CAPN14: variants seen among roughly 807,000 people sequenced by gnomAD.
CAPN14 encodes the protein calpain-14.
CAPN14 carries 94 observed loss-of-function variants against 101.3 expected under a neutral mutation model. The observed-to-expected ratio is 0.93, with a 90% CI of 0.79 to 1.10. CAPN14 has a LOEUF of 1.10. Among genes scored for constraint, CAPN14 ranks in the 50% least tolerant of loss-of-function variants. CAPN14 has a pLI of 0.00. For synonymous variants in CAPN14, 338 were observed against 317.9 expected (o/e 1.06, Z -0.67); for missense variants, 837 against 828.4 (o/e 1.01, Z -0.13).
chr2:31,193,302 GAGA>G lies in CAPN14; in HGVS notation c.951-11_951-9del. 6.4e-7 allele frequency: 1 copy of G among 1,551,192 alleles called. No homozygotes were observed. Among genetic ancestry groups the G allele is most frequent in the Non-Finnish European group, 8.7e-7 (1 of 1,146,816 alleles). On this transcript the variant is annotated splice_polypyrimidine_tract_variant and intron_variant, in intron 9 of 21. Coordinates refer to ENST00000403897, the MANE Select transcript of CAPN14 (RefSeq NM_001145122.2). ...AAGTCCTGCAGCGTCATCCTGTGGA[GAGA>G]AGAAGGAAAAGCACAAAGAGATGGA...
intron 1 of CAPN14, among the ~76,000 whole-genome samples, chr2:31,212,813 C>T (rs964592984): frequency 2.0e-5 from 3 of 152,260 alleles, no homozygotes; most frequent in South Asian, 4.1e-4. Context: ...GTCTCTGGAA[C>T]GGAAGCAAAA....
At chr2:31,215,642 G>T (rs1382551075) in intron 1 of CAPN14, among the ~76,000 whole-genome samples, 1 of 151,902 alleles carries the variant, frequency 6.6e-6, no homozygotes, top group African/African-American at 2.4e-5. Context: ...TCCTTGTGGG[G>T]CTTTCCTGCC....
At chr2:31,215,822 A>G (rs1450308604) in intron 1 of CAPN14, among the ~76,000 whole-genome samples, 1 of 148,418 alleles carries the variant, frequency 6.7e-6, no homozygotes, top group Non-Finnish European at 1.5e-5. Flanking sequence ...TGGAAAAAGT[A>G]AGTCAATTAG....
rs372312550 is a variant in CAPN14, at chr2:31,200,498, C to T, written c.679G>A (p.Glu227Lys). The change falls in exon 6 of 22, where the codon GAA becomes AAA. Residue 227 changes from glutamate to lysine, a missense_variant. By Grantham distance (56) the Glu-to-Lys change is moderately conservative. Transcript: ENST00000403897. ...AHGNLWDILI[E>K]ATYNRTLIGC... is the part of the protein sequence containing the mutation. ...ATGAGGGTTCTGTTGTAGGTGGCTT[C>T]GATGAGGATGTCCCAGAGGTTGCCA... 8.9e-5 allele frequency: 138 copies of T among 1,551,178 alleles called. 1 individual carries two copies. The African/African-American group carries it at 1.7e-3, about 19-fold the overall frequency.
intron 17 of CAPN14, among the ~76,000 whole-genome samples, chr2:31,178,817 T>A (rs1680442329): frequency 1.3e-5 from 2 of 151,922 alleles, no homozygotes; most frequent in Non-Finnish European, 2.9e-5. Context: ...GAAGCGATGA[T>A]GATGGAGGTG....
At chr2:31,207,682 A>G (rs1009304670) in intron 1 of CAPN14, among the ~76,000 whole-genome samples, 2 of 152,178 alleles carry the variant, frequency 1.3e-5, no homozygotes, top group African/African-American at 2.4e-5. Flanking sequence ...CAGGAGGATC[A>G]CTTGAGCCGG....
intron 8 of CAPN14, among the ~76,000 whole-genome samples, chr2:31,195,625 C>T (rs2365211): frequency 0.2 from 30,252 of 152,014 alleles, 3,331 homozygotes; most frequent in East Asian, 0.37. Flanking sequence ...GTGTGAGTCA[C>T]TATGCCCAGC....
Position 31,174,644 on chromosome 2 carries a change from CAG to C in CAPN14, c.*35_*36del, listed in dbSNP as rs1213723870. 2.6e-6 allele frequency: 4 copies of C among 1,550,722 alleles called. No homozygotes were observed. Among genetic ancestry groups the C allele is most frequent in the Admixed American group, 3.9e-5 (2 of 51,002 alleles). ...CCAAAGGCTGCTCTTGGGCCACATG[CAG>C]AGTCTTCAGTGAGGGCAGGTGAGAC... On this transcript the variant is annotated 3_prime_UTR_variant, in exon 22 of 22. Coordinates refer to ENST00000403897, the MANE Select transcript of CAPN14 (RefSeq NM_001145122.2).
At chr2:31,194,906 G>A (rs72797144) in intron 8 of CAPN14, among the ~76,000 whole-genome samples, 4,000 of 152,248 alleles carry the variant, frequency 0.026, 52 homozygotes, top group South Asian at 0.043. Flanking sequence ...AATAAAAATG[G>A]GACAAAATAT....
Position 31,205,337 on chromosome 2 carries a change from G to A in CAPN14, c.111C>T (p.Cys37=). ...CTTCAAAGAGGCAGCCATTCCTCAG[G>A]CACTCTGCCAGCAGGGCCTCAAAGT... The part of the protein sequence containing the change: ...QQDFEALLAE[C]LRNGCLFEDT... Residue 37 remains cysteine, a synonymous_variant, in exon 2 of 22, where the codon TGC becomes TGT. Coordinates refer to ENST00000403897, the MANE Select transcript of CAPN14 (RefSeq NM_001145122.2). 1 of 1,551,258 alleles carries A rather than the reference G, an allele frequency of 6.4e-7. No homozygotes were observed. The highest frequency in any genetic ancestry group is 1.4e-5 in the African/African-American group (1 of 73,114).
intron 16 of CAPN14, among the ~76,000 whole-genome samples, chr2:31,181,878 T>C (rs1406792208): frequency 6.6e-6 from 1 of 151,314 alleles, no homozygotes; most frequent in Non-Finnish European, 1.5e-5. Context: ...CTGCATAGTA[T>C]TCCATGGTGT....
intron 3 of CAPN14, 115 bp from the exon 4 acceptor site, chr2:31,202,367 G>A: frequency 1.4e-6 from 1 of 733,674 alleles, no homozygotes; most frequent in Non-Finnish European, 2.3e-6. Flanking sequence ...TTAGGAGAAG[G>A]GAATTATATA....
At chr2:31,198,366 C>T (rs535736572) in intron 7 of CAPN14, among the ~76,000 whole-genome samples, 1 of 152,260 alleles carries the variant, frequency 6.6e-6, no homozygotes, top group Admixed American at 6.5e-5. Flanking sequence ...GTTCTGACCA[C>T]CTTGGGCACA....
Position 31,187,787 on chromosome 2 carries a change from C to T in CAPN14, c.1558G>A (p.Asp520Asn), listed in dbSNP as rs7422120. The change falls in exon 15 of 22, where the codon GAT becomes AAT. Residue 520 changes from aspartate (D) to asparagine (N), a missense_variant. Coordinates refer to ENST00000403897, the MANE Select transcript of CAPN14 (RefSeq NM_001145122.2). ...KEIEDQNERQ[D>N]EFFTKFFEKH... ...TCAAAGAATTTGGTGAAGAATTCAT[C>T]CTGCCTTTCATTTTGGTCTTCTATC... The T allele has an allele frequency of 0.2, 312,794 of 1,547,084 alleles. 37,752 individuals are homozygous for T. Among genetic ancestry groups the T allele is most frequent in the African/African-American group, 0.53 (38,539 of 72,886 alleles).
intron 8 of CAPN14, among the ~76,000 whole-genome samples, chr2:31,196,210 C>A (rs1046978540): frequency 6.6e-6 from 1 of 152,150 alleles, no homozygotes; most frequent in African/African-American, 2.4e-5. Flanking sequence ...ATTCACTATA[C>A]CTCTGGATCC....
intron 4 of CAPN14, 28 bp downstream of exon 4, chr2:31,202,106 T>C: frequency 6.4e-7 from 1 of 1,550,682 alleles, no homozygotes; most frequent in Non-Finnish European, 8.7e-7. Context: ...TGACTCCCTC[T>C]GGGCTGAGGA....
chr2:31,215,270 C>CTTTTT (rs56002934), intron 1 of CAPN14, among the ~76,000 whole-genome samples: 1 of 149,494 alleles, frequency 6.7e-6, no homozygotes, highest in Non-Finnish European at 1.5e-5. Flanking sequence ...AAATTCATTC[C>CTTTTT]TTTTTTTTTT....
At chr2:31,215,783 G>T (rs1682612870) in intron 1 of CAPN14, among the ~76,000 whole-genome samples, 1 of 147,752 alleles carries the variant, frequency 6.8e-6, no homozygotes, top group South Asian at 2.2e-4. Flanking sequence ...GAAGATCAAA[G>T]TATGCAGTTA....
At chr2:31,232,499 G>A (rs1283415157) in intron 1 of CAPN14, among the ~76,000 whole-genome samples, 1 of 152,158 alleles carries the variant, frequency 6.6e-6, no homozygotes, top group Non-Finnish European at 1.5e-5. Context: ...AAAGGAAAAA[G>A]GTTTAATTAA....
Sources: gnomAD v4.1 joint callset for allele counts (sites outside exome capture counted in the v4.1 genomes callset) on GRCh38, gnomAD v4.1.1 for gene constraint, MANE v1.5 for transcripts, NCBI Gene and HGNC (gene_info 2026-07-23, HGNC 2026-07-21) for gene names.